The following DTNA variants were observed in gnomAD, a reference collection of about 807,000 sequenced individuals.
The protein encoded by DTNA is dystrobrevin alpha, also known as dystrophin-related protein 3.
DTNA carries 43 observed loss-of-function variants against 100.7 expected under a neutral mutation model. That is an observed-to-expected ratio of 0.43 (90% CI 0.33 to 0.55). The LOEUF is 0.55. Among genes scored for constraint, DTNA ranks in the 20% least tolerant of loss-of-function variants. DTNA has a pLI of 0.04. For synonymous variants in DTNA, 349 were observed against 347.9 expected (o/e 1.00, Z -0.04); for missense variants, 798 against 953.9 (o/e 0.84, Z 2.15).
At chr18:34,687,016 A>G (rs988020151) in intron 1 of DTNA, among the ~76,000 whole-genome samples, 1 of 151,888 alleles carries the variant, frequency 6.6e-6, no homozygotes, top group Non-Finnish European at 1.5e-5. Context: ...TATTGTGTCT[A>G]TTTGATTCTT....
chr18:34,582,535 C>T (rs2048745113), intron 1 of DTNA, among the ~76,000 whole-genome samples: 1 of 152,080 alleles, frequency 6.6e-6, no homozygotes, highest in Non-Finnish European at 1.5e-5. Context: ...AACCTCCCAA[C>T]CCCCTTGACT....
At chr18:34,730,791 CAA>C (rs2087932841) in intron 1 of DTNA, among the ~76,000 whole-genome samples, 1 of 152,286 alleles carries the variant, frequency 6.6e-6, no homozygotes, top group South Asian at 2.1e-4. Context: ...CCCCCTTTAT[CAA>C]ATTGCAAGTG....
At chr18:34,811,651 GAGTTAAT>G (rs2095489057) in intron 5 of DTNA, among the ~76,000 whole-genome samples, 1 of 152,090 alleles carries the variant, frequency 6.6e-6, no homozygotes, top group Non-Finnish European at 1.5e-5. Flanking sequence ...AGCTACATGA[GAGTTAAT>G]AGTTGACCTC....
chr18:34,765,793 C>A (rs1425551126), intron 2 of DTNA, 168 bp from the exon 3 acceptor site: 5 of 620,220 alleles, frequency 8.1e-6, no homozygotes, highest in African/African-American at 1.9e-5. Flanking sequence ...ACCTGAGGAA[C>A]TTGTCCTTGA....
intron 1 of DTNA, among the ~76,000 whole-genome samples, chr18:34,588,311 T>C (rs1333880308): frequency 2.6e-5 from 4 of 152,128 alleles, no homozygotes; most frequent in Admixed American, 2.0e-4. Flanking sequence ...CTAAACCTCT[T>C]TTTGAGATCC....
chr18:34,631,591 C>G (rs1336545311), intron 1 of DTNA, among the ~76,000 whole-genome samples: 2 of 152,138 alleles, frequency 1.3e-5, no homozygotes, highest in Non-Finnish European at 2.9e-5. Flanking sequence ...ATTAAAAGAT[C>G]TAAATACAAT....
At chr18:34,646,935 C>T (rs1408683298) in intron 1 of DTNA, among the ~76,000 whole-genome samples, 2 of 152,090 alleles carry the variant, frequency 1.3e-5, no homozygotes, top group East Asian at 1.9e-4. Context: ...AAGATGGTCT[C>T]GATCTCTTGA....
At chr18:34,750,993 C>T (rs1247406928) in intron 1 of DTNA, among the ~76,000 whole-genome samples, 1 of 152,150 alleles carries the variant, frequency 6.6e-6, no homozygotes, top group African/African-American at 2.4e-5. Flanking sequence ...AACTGTTTTA[C>T]TATTATTTTA....
At chr18:34,844,399 G>A (rs2096336059) in intron 13 of DTNA, among the ~76,000 whole-genome samples, 1 of 151,774 alleles carries the variant, frequency 6.6e-6, no homozygotes, top group Non-Finnish European at 1.5e-5. Context: ...ACCATTTCTC[G>A]GTCCCCAGTG....
intron 9 of DTNA, among the ~76,000 whole-genome samples, chr18:34,825,840 G>A (rs1568663961): frequency 6.6e-6 from 1 of 152,074 alleles, no homozygotes; most frequent in South Asian, 2.1e-4. Flanking sequence ...GAAGTGTGGG[G>A]TCAAGTATTT....
rs78712779 is a variant in DTNA at position 34,594,468 on chromosome 18, A to G, written c.-2+100954A>G. On this transcript the variant is annotated intron_variant, in intron 1 of 19. Transcript: ENST00000283365. ...GTGTGAATTGGAAATTCTACTTTATATGGGGAAAATAAATCTGCTGACGCT... is the reference window on the plus strand; with the variant it reads ...GTGTGAATTGGAAATTCTACTTTATGTGGGGAAAATAAATCTGCTGACGCT... Among the ~76,000 whole-genome samples, 1,029 of 152,316 alleles carry G rather than the reference A, an allele frequency of 6.8e-3. 10 individuals are homozygous for G. The highest frequency in any genetic ancestry group is 0.023 in the African/African-American group (975 of 41,576).
intron 1 of DTNA, among the ~76,000 whole-genome samples, chr18:34,565,507 T>C (rs1259761556): frequency 6.6e-6 from 1 of 152,178 alleles, no homozygotes; most frequent in Non-Finnish European, 1.5e-5. Flanking sequence ...GTCAGGAGGC[T>C]AGAAGTCCAA....
intron 13 of DTNA, among the ~76,000 whole-genome samples, chr18:34,843,883 CAATCTGTTGAAAGAAAAAAGAAATTAT>C (rs2096322721): frequency 6.6e-6 from 1 of 151,912 alleles, no homozygotes. Context: ...GAGTTTATTG[CAATCTGTTGAAAGAAAAAAGAAATTAT>C]AATCTGTTGA....
At chr18:34,822,895 A>G (rs2095760204) in intron 9 of DTNA, among the ~76,000 whole-genome samples, 2 of 152,298 alleles carry the variant, frequency 1.3e-5, no homozygotes, top group Non-Finnish European at 2.9e-5. Flanking sequence ...AGAGTCCTTG[A>G]ATCAAAATAC....
At position 34,889,548 on chromosome 18, in the gene DTNA, C is replaced by A; in HGVS notation, c.*1814C>A. ...CTTCTCTGAACCCACACACCAAGTT[C>A]GTAGTTGGTAGGTGCCCAGCCAAGT... On this transcript the variant is annotated 3_prime_UTR_variant, in exon 23 of 23. Transcript: ENST00000444659. 1 of 985,444 alleles carries A rather than the reference C, an allele frequency of 1.0e-6. No individual in the cohort carries two copies. The allele number at this position is 985,444 out of a possible 1,614,324, so 61.0% of individuals were successfully genotyped here.
intron 3 of DTNA, among the ~76,000 whole-genome samples, chr18:34,784,698 C>G (rs2094449459): frequency 6.6e-6 from 1 of 152,138 alleles, no homozygotes; most frequent in Non-Finnish European, 1.5e-5. Flanking sequence ...ATGAGACTTA[C>G]AATCTTTTTT....
chr18:34,533,788 A>G (rs2043398428), intron 1 of DTNA, among the ~76,000 whole-genome samples: 1 of 152,124 alleles, frequency 6.6e-6, no homozygotes, highest in Admixed American at 6.6e-5. Context: ...TCTGGACACT[A>G]TTTCAAAATA....
At chr18:34,875,526 A>G in intron 18 of DTNA, 128 bp downstream of exon 18, 1 of 1,390,146 alleles carries the variant, frequency 7.2e-7, no homozygotes. Context: ...CTGGTGTCAG[A>G]GCCTGGCCTG....
chr18:34,766,318 G>A (rs779521511), intron 3 of DTNA, among the ~76,000 whole-genome samples: 1 of 152,110 alleles, frequency 6.6e-6, no homozygotes, highest in Non-Finnish European at 1.5e-5. Flanking sequence ...TCTGACCTTG[G>A]AATGGTTTAA....
Sources: gnomAD v4.1 joint callset for allele counts (sites outside exome capture counted in the v4.1 genomes callset) on GRCh38, gnomAD v4.1.1 for gene constraint, MANE v1.5 for transcripts, NCBI Gene and HGNC (gene_info 2026-07-23, HGNC 2026-07-21) for gene names.